RAB33A: variants seen among roughly 807,000 people sequenced by gnomAD.
RAB33A encodes RAB33A, member RAS oncogene family, also known as ras-related protein Rab-33A.
RAB33A carries 6 observed loss-of-function variants against 12.0 expected under a neutral mutation model. The ratio of observed to expected loss-of-function variants is 0.50; its 90% CI spans 0.27 to 0.99. The LOEUF is 0.99. Among genes scored for constraint, RAB33A ranks in the 50% least tolerant of loss-of-function variants. The pLI is 0.11. For synonymous variants in RAB33A, 70 were observed against 82.4 expected (o/e 0.85, Z 0.81); for missense variants, 109 against 192.0 (o/e 0.57, Z 2.55).
At chrX:130,153,924 C>T in the RAB33A span, among the ~76,000 whole-genome samples, 2 of 112,082 alleles carry the variant, frequency 1.8e-5, no homozygotes, top group African/African-American at 3.2e-5. Flanking sequence ...CTAATACAAA[C>T]GTTCAACAAC....
At chrX:130,156,780 C>T in the RAB33A span, among the ~76,000 whole-genome samples, 13,755 of 111,671 alleles carry the variant, frequency 0.12, 851 homozygotes, top group Non-Finnish European at 0.17. Flanking sequence ...GCTGAATGAA[C>T]GCTCTTAAGT....
the RAB33A span, among the ~76,000 whole-genome samples, chrX:130,130,354 A>C: frequency 6.3e-5 from 7 of 111,988 alleles, no homozygotes; most frequent in East Asian, 1.7e-3. Context: ...GACAAAGCCA[A>C]GGAAAGGTCT....
the RAB33A span, among the ~76,000 whole-genome samples, chrX:130,132,935 C>T: frequency 5.5e-5 from 6 of 110,052 alleles, no homozygotes; most frequent in African/African-American, 1.3e-4. Context: ...TTAGTAGAGA[C>T]GGGGTTTCAC....
the RAB33A span, among the ~76,000 whole-genome samples, chrX:130,148,415 A>C: frequency 8.9e-6 from 1 of 111,978 alleles, no homozygotes; most frequent in African/African-American, 3.2e-5. Context: ...AATTGAAGTG[A>C]ATCATGTGAA....
Position 130,172,199 on chromosome X carries a change from A to G in RAB33A, c.137A>G (p.Asn46Ser). 8.2e-7 allele frequency: 1 copy of G among 1,212,271 alleles called. No homozygotes were observed. Among genetic ancestry groups the G allele is most frequent in the Non-Finnish European group, 1.1e-6 (1 of 895,572 alleles). The change falls in exon 1 of 2, where the codon AAC becomes AGC. Residue 46 changes from asparagine to serine, a missense_variant. Coordinates refer to ENST00000257017, the MANE Select transcript of RAB33A (RefSeq NM_004794.3). ...AAAATAATCGTGATTGGGGACTCCA[A>G]CGTGGGCAAGACCTGCCTGACCTTC... The part of the protein sequence containing the change: ...IFKIIVIGDS[N>S]VGKTCLTFRF...
At chrX:130,127,554 A>G in the RAB33A span, among the ~76,000 whole-genome samples, 3 of 110,698 alleles carry the variant, frequency 2.7e-5, no homozygotes, top group African/African-American at 9.9e-5. Flanking sequence ...ATACAACACT[A>G]AAGCAAGACA....
the RAB33A span, among the ~76,000 whole-genome samples, chrX:130,154,405 T>C: frequency 8.9e-6 from 1 of 112,382 alleles, no homozygotes; most frequent in Non-Finnish European, 1.9e-5. Context: ...TTTAAATCTA[T>C]TTTTGAATGA....
At chrX:130,184,139 T>G in intron 1 of RAB33A, 146 bp from the exon 2 acceptor site, 1 of 519,695 alleles carries the variant, frequency 1.9e-6, no homozygotes, top group Non-Finnish European at 3.1e-6. Context: ...TCTGCCCGCC[T>G]CAGCTTCCCA....
upstream of RAB33A, among the ~76,000 whole-genome samples, chrX:130,169,572 C>T (rs752071312): frequency 1.3e-3 from 149 of 111,791 alleles, no homozygotes; most frequent in Non-Finnish European, 1.7e-3. Context: ...AATATATACT[C>T]ATTGAATTAA....
At chrX:130,162,602 C>T in the RAB33A span, among the ~76,000 whole-genome samples, 1 of 112,162 alleles carries the variant, frequency 8.9e-6, no homozygotes, top group Non-Finnish European at 1.9e-5. Context: ...GCAGAAACAA[C>T]GGGGGAAGAC....
chrX:130,147,236 G>A, the RAB33A span, among the ~76,000 whole-genome samples: 1 of 112,270 alleles, frequency 8.9e-6, no homozygotes, highest in Admixed American at 9.5e-5. Flanking sequence ...TTAACATAAA[G>A]GTTCCAGAAA....
intron 1 of RAB33A, among the ~76,000 whole-genome samples, chrX:130,175,226 C>T (rs1357005883): frequency 9.0e-6 from 1 of 111,193 alleles, no homozygotes; most frequent in East Asian, 2.8e-4. Flanking sequence ...CACTTCGCCA[C>T]CTCACTATCC....
At chrX:130,174,142 C>T (rs1366143556) in intron 1 of RAB33A, among the ~76,000 whole-genome samples, 1 of 112,294 alleles carries the variant, frequency 8.9e-6, no homozygotes, top group Non-Finnish European at 1.9e-5. Flanking sequence ...CAGTACTTAG[C>T]CAAACTGGAC....
the RAB33A span, among the ~76,000 whole-genome samples, chrX:130,158,719 A>G: frequency 1.8e-5 from 2 of 109,276 alleles, no homozygotes; most frequent in African/African-American, 6.6e-5. Flanking sequence ...AAAAAAAAAA[A>G]AAAAAAAAAA....
At chrX:130,159,094 A>G in the RAB33A span, among the ~76,000 whole-genome samples, 1 of 112,069 alleles carries the variant, frequency 8.9e-6, no homozygotes, top group Admixed American at 9.5e-5. Context: ...GCAGCAATTC[A>G]TAGTTAAACA....
At chrX:130,161,356 C>T in the RAB33A span, among the ~76,000 whole-genome samples, 1 of 108,619 alleles carries the variant, frequency 9.2e-6, no homozygotes, top group Non-Finnish European at 1.9e-5. Context: ...ACTAAAAATA[C>T]AAAAATTAGC....
chrX:130,113,426 GA>G, the RAB33A span, among the ~76,000 whole-genome samples: 38,142 of 94,601 alleles, frequency 0.4, 5,933 homozygotes, highest in African/African-American at 0.58. Context: ...TTTTAGTTTA[GA>G]TTTTTTTTTT....
the RAB33A span, among the ~76,000 whole-genome samples, chrX:130,124,128 T>C: frequency 8.2e-4 from 91 of 111,412 alleles, no homozygotes; most frequent in African/African-American, 2.6e-3. Context: ...GGAGAAGCAA[T>C]GAAGTTCCAA....
At chrX:130,176,454 G>A (rs1364705727) in intron 1 of RAB33A, among the ~76,000 whole-genome samples, 2 of 112,089 alleles carry the variant, frequency 1.8e-5, no homozygotes, top group African/African-American at 6.5e-5. Flanking sequence ...CAGGTCAGCT[G>A]TGGCTATGGG....
Sources: allele counts gnomAD v4.1 joint callset (sites outside exome capture counted in the v4.1 genomes callset), GRCh38; gene constraint gnomAD v4.1.1; transcripts MANE v1.5; gene names NCBI Gene and HGNC (gene_info 2026-07-23, HGNC 2026-07-21).